The following MXRA5 variants were observed in gnomAD, a reference collection of about 807,000 sequenced individuals.
MXRA5 encodes the protein matrix remodeling associated 5.
A neutral mutation model predicts 112.5 loss-of-function variants in MXRA5; 41 were observed. The ratio of observed to expected loss-of-function variants is 0.36; its 90% confidence interval spans 0.28 to 0.47. MXRA5 has a LOEUF of 0.47. Among genes scored for constraint, MXRA5 ranks in the 20% least tolerant of loss-of-function variants. The pLI, the probability that MXRA5 is intolerant of heterozygous loss-of-function variation, is 0.99. For synonymous variants in MXRA5, 862 were observed against 900.8 expected (o/e 0.96, Z 0.77); for missense variants, 2,150 against 2,251.0 (o/e 0.96, Z 0.91).
rs773254958 is a variant in MXRA5, at chrX:3,317,151, C to T, written c.6530G>A (p.Arg2177His). The change falls in exon 6 of 7, where the codon CGC (arginine) becomes CAC (histidine). Residue 2177 changes from arginine to histidine, a missense_variant. Around this residue, in one of 6 missense-constraint regions of MXRA5, gnomAD observed 1,485 missense variants for 1,471.6 expected, o/e 1.01. Transcript: ENST00000217939. ...CTTGGACGGCAGCCTCCAGAGGATG[C>T]GCGGCCAGGGGTCCCCCGAGGCGCT... ...DCSASGDPWP[R>H]ILWRLPSKRM... The T allele has an allele frequency of 7.5e-6, 9 of 1,197,001 alleles. No individual in the cohort carries two copies. Among genetic ancestry groups the T allele is most frequent in the Admixed American group, 2.2e-5 (1 of 44,661 alleles).
Position 3,338,831 on chromosome X carries a change from A to G in MXRA5, c.188+4815T>C, listed in dbSNP as rs758778782. On this transcript the variant is annotated intron_variant, in intron 2 of 6. Coordinates refer to ENST00000217939, the MANE Select transcript of MXRA5 (RefSeq NM_015419.4). ...CAGATGCATGACAGATAGATGATAGATAGATACATAGATAGGTAGGTAGAT... is the reference window on the plus strand; with the variant it reads ...CAGATGCATGACAGATAGATGATAGGTAGATACATAGATAGGTAGGTAGAT... Among the ~76,000 whole-genome samples, 11 of 110,519 alleles carry G rather than the reference A, an allele frequency of 1.0e-4. No homozygotes were observed. In the East Asian group the frequency reaches 2.9e-3, roughly 29 times the overall value.
chrX:3,329,060 A>G (rs1262182638), intron 4 of MXRA5, among the ~76,000 whole-genome samples: 4 of 94,921 alleles, frequency 4.2e-5, no homozygotes, highest in Non-Finnish European at 8.5e-5. Flanking sequence ...GAAGGAGAGA[A>G]CGAAGGAAGG....
rs748320635 is a variant in MXRA5 at position 3,330,310 on chromosome X, G to T, written c.417C>A (p.Ile139=). The change falls in exon 4 of 7, where the codon ATC becomes ATA. Residue 139 remains isoleucine, a synonymous_variant. Coordinates refer to ENST00000217939, the MANE Select transcript of MXRA5 (RefSeq NM_015419.4). The stretch of plus-strand genomic sequence containing the variant: ...TGAAAGCTTGAGGGTGGATAAACTC[G>T]ATCTTGTTGTGGTCAATGTGCAGCC... The part of the protein sequence containing the change: ...LMRLHIDHNK[I]EFIHPQAFNG... 3.3e-6 allele frequency: 4 copies of T among 1,211,103 alleles called. No homozygotes were observed. Among genetic ancestry groups the T allele is most frequent in the Non-Finnish European group, 4.5e-6 (4 of 895,245 alleles).
In MXRA5 at chrX:3,330,116, C is replaced by T. The variant is rs774812144; in HGVS notation, c.611G>A (p.Arg204Gln). ...MVRTLPASML[R>Q]NMPLLENLYL... ...AAGATTCTCCAGAAGCGGCATGTTC[C>T]GAAGCATGCTGGCAGGAAGAGTTCT... is the stretch of plus-strand genomic sequence containing the variant. The change falls in exon 4 of 7, where the codon CGG becomes CAG. Residue 204 changes from arginine (R) to glutamine (Q), a missense_variant. By Grantham distance (43) the Arg-to-Gln change is conservative. Coordinates refer to ENST00000217939, the MANE Select transcript of MXRA5 (RefSeq NM_015419.4). The T allele has an allele frequency of 9.1e-6, 11 of 1,209,813 alleles. 1 individual carries two copies. The highest frequency in any genetic ancestry group is 1.2e-5 in the Non-Finnish European group (11 of 894,592).
chrX:3,339,682 G>A (rs1569188034), intron 2 of MXRA5, among the ~76,000 whole-genome samples: 1 of 111,603 alleles, frequency 9.0e-6, no homozygotes. Context: ...AATCACTTGA[G>A]TACCCCCTCT....
At chrX:3,335,603 C>T (rs1045144117) in intron 2 of MXRA5, among the ~76,000 whole-genome samples, 10 of 112,361 alleles carry the variant, frequency 8.9e-5, no homozygotes, top group East Asian at 2.8e-4. Flanking sequence ...GGTATGTTTG[C>T]GGATGGCATC....
chrX:3,332,123 C>A (rs767725851), intron 2 of MXRA5, among the ~76,000 whole-genome samples: 4 of 112,546 alleles, frequency 3.6e-5, no homozygotes, highest in African/African-American at 1.3e-4. Context: ...TAAGACCCAG[C>A]CTTAGGAAGC....
chrX:3,325,650 C>A (rs1921441549), intron 4 of MXRA5, among the ~76,000 whole-genome samples: 1 of 101,409 alleles, frequency 9.9e-6, no homozygotes, highest in African/African-American at 3.5e-5. Flanking sequence ...ATATTTATAT[C>A]TAAGTATATA....
intron 4 of MXRA5, among the ~76,000 whole-genome samples, chrX:3,326,278 ACT>A (rs1325918131): frequency 8.7e-4 from 48 of 54,955 alleles, no homozygotes; most frequent in Non-Finnish European, 1.3e-3. Flanking sequence ...TATATTTATA[ACT>A]CTCTATATAT....
chrX:3,332,401 C>T (rs747657218), intron 2 of MXRA5, among the ~76,000 whole-genome samples: 10 of 111,163 alleles, frequency 9.0e-5, no homozygotes, highest in African/African-American at 1.6e-4. Flanking sequence ...CCCGCCACCG[C>T]GCCCGGCTAA....
intron 5 of MXRA5, 134 bp downstream of exon 5, chrX:3,319,874 C>T (rs1603467924): frequency 2.2e-6 from 1 of 448,780 alleles, no homozygotes; most frequent in Non-Finnish European, 3.6e-6. Flanking sequence ...TAAAAAATTT[C>T]CCCAAATGTG....
At position 3,323,722 on chromosome X, in the gene MXRA5, T is replaced by C; in HGVS notation, c.1963A>G (p.Asn655Asp). 8.3e-7 allele frequency: 1 copy of C among 1,211,582 alleles called. No individual in the cohort carries two copies. The highest frequency in any genetic ancestry group is 1.1e-6 in the Non-Finnish European group (1 of 895,264). ...GTAAAATGGTCTGCCCCTTGCTGGT[T>C]GACAGCCACACATCTGTAGTAACCA... is the stretch of plus-strand genomic sequence containing the variant. ...DSGYYRCVAV[N>D]QQGADHFTVG... The change falls in exon 5 of 7, where the codon AAC becomes GAC. Residue 655 changes from asparagine to aspartate, a missense_variant. Physicochemically the swap from Asn to Asp is conservative, Grantham distance 23 (BLOSUM62 1). Transcript: ENST00000217939.
intron 4 of MXRA5, 99 bp from the exon 5 acceptor site, chrX:3,325,074 C>G: frequency 1.0e-6 from 1 of 966,868 alleles, no homozygotes; most frequent in African/African-American, 1.9e-5. Context: ...ATCTTTATCA[C>G]CCAGCTGTAA....
Position 3,331,425 on chromosome X carries a change from C to T in MXRA5, c.189-652G>A, listed in dbSNP as rs181231282. Among the ~76,000 whole-genome samples, 1,111 of 111,938 alleles carry T rather than the reference C, an allele frequency of 9.9e-3. 15 individuals are homozygous for T. The highest frequency in any genetic ancestry group is 0.032 in the African/African-American group (1,000 of 30,834). On this transcript the variant is annotated intron_variant, in intron 2 of 6. Transcript: ENST00000217939. ...ATTTAGAATTCAACATGAGGCTGTT[C>T]CACGTGTCTCTTTCTTGGAAACTCT...
chrX:3,315,376 A>AGAT (rs1569181306), intron 6 of MXRA5, among the ~76,000 whole-genome samples: 1 of 26,911 alleles, frequency 3.7e-5, no homozygotes, highest in African/African-American at 1.6e-4. Flanking sequence ...TAGATAGAAT[A>AGAT]GATAGATAGA....
intron 2 of MXRA5, among the ~76,000 whole-genome samples, chrX:3,340,951 G>A (rs764166603): frequency 2.5e-5 from 2 of 79,957 alleles, no homozygotes; most frequent in South Asian, 6.0e-4. Context: ...AAGAAGCACC[G>A]CAAATAGATA....
At chrX:3,328,461 T>C (rs750337053) in intron 4 of MXRA5, among the ~76,000 whole-genome samples, 2 of 111,594 alleles carry the variant, frequency 1.8e-5, no homozygotes, top group Non-Finnish European at 3.8e-5. Flanking sequence ...TGCAAATGTG[T>C]ATCTTATCCT....
At chrX:3,333,777 T>C (rs1175058806) in intron 2 of MXRA5, among the ~76,000 whole-genome samples, 2 of 112,003 alleles carry the variant, frequency 1.8e-5, no homozygotes, top group African/African-American at 6.5e-5. Flanking sequence ...CTTTATTTCA[T>C]GTTAAGGACC....
chrX:3,309,920 G>A lies in MXRA5; in HGVS notation c.8283C>T (p.Pro2761=), dbSNP rs1260188838. The A allele has an allele frequency of 1.7e-6, 2 of 1,211,566 alleles. No homozygotes were observed. The highest frequency in any genetic ancestry group is 2.2e-6 in the Non-Finnish European group (2 of 895,482). ...VKLNCMAMGI[P]KADITWELPD... is the part of the protein sequence containing the mutation. ...GTAACTCCCACGTGATGTCAGCTTTGGGAATCCCCATAGCCATGCAGTTCA... is the reference window on the plus strand; with the variant it reads ...GTAACTCCCACGTGATGTCAGCTTTAGGAATCCCCATAGCCATGCAGTTCA... The change falls in exon 7 of 7, where the codon CCC becomes CCT. Residue 2761 remains proline (P), a synonymous_variant. Transcript: ENST00000217939.
Sources: gnomAD v4.1 joint callset for allele counts (sites outside exome capture counted in the v4.1 genomes callset) on GRCh38, gnomAD v4.1.1 for gene constraint, gnomAD v4.1.1 regional missense constraint, MANE v1.5 for transcripts, NCBI Gene and HGNC (gene_info 2026-07-23, HGNC 2026-07-21) for gene names.